The following MACROD1 variants were observed in gnomAD, a reference collection of about 807,000 sequenced individuals.
MACROD1 encodes the protein ADP-ribose glycohydrolase MACROD1.
MACROD1 carries 31 observed loss-of-function variants against 41.4 expected under a neutral mutation model. The ratio of observed to expected loss-of-function variants is 0.75; its 90% CI spans 0.56 to 1.01. The LOEUF (loss-of-function observed/expected upper bound fraction) is 1.01. Ranked by LOEUF, MACROD1 falls within the 50% of genes least tolerant of loss-of-function variation. The pLI, the probability that MACROD1 is intolerant of heterozygous loss-of-function variation, is 0.00. For missense variants in MACROD1, 473 were observed against 460.0 expected (o/e 1.03, Z -0.26); for synonymous variants, 252 against 203.4 (o/e 1.24, Z -2.03).
chr11:64,099,281 C>T (rs527924830), intron 3 of MACROD1, among the ~76,000 whole-genome samples: 1 of 152,262 alleles, frequency 6.6e-6, no homozygotes, highest in Admixed American at 6.5e-5. Context: ...GCCCTGTGTG[C>T]GTCTCACATT....
chr11:64,136,240 C>T (rs1285485827), intron 3 of MACROD1, among the ~76,000 whole-genome samples: 1 of 152,238 alleles, frequency 6.6e-6, no homozygotes, highest in Non-Finnish European at 1.5e-5. Context: ...TCACCATGTG[C>T]CCACAACTCC....
At position 64,082,223 on chromosome 11, in the gene MACROD1, C is replaced by G. The variant is rs554068780; in HGVS notation, c.518-66942G>C. Among the ~76,000 whole-genome samples, 3 of 152,242 alleles carry G rather than the reference C, an allele frequency of 2.0e-5. No individual in the cohort carries two copies. In the East Asian group the frequency reaches 5.8e-4, roughly 29 times the overall value. ...AACATCCCTTAAATATTGGTGCTCT[C>G]GGCAGCACTGGGCCCCTGCTTAGCA... On this transcript the variant is annotated intron_variant, in intron 3 of 10. Coordinates refer to ENST00000255681, the MANE Select transcript of MACROD1 (RefSeq NM_014067.4). This position sits in a 1 kb window ranked among gnomAD's most constrained non-coding sequence, Gnocchi z 4.5.
intron 3 of MACROD1, among the ~76,000 whole-genome samples, chr11:64,065,039 C>G (rs1004838797): frequency 3.3e-5 from 5 of 152,146 alleles, no homozygotes; most frequent in African/African-American, 1.2e-4. Flanking sequence ...GGGACATGAG[C>G]AGGGGTGAAG....
intron 3 of MACROD1, among the ~76,000 whole-genome samples, chr11:64,127,436 G>A (rs1420903883): frequency 6.8e-5 from 8 of 118,356 alleles, no homozygotes; most frequent in African/African-American, 2.1e-4. Context: ...CCTTGCCCCC[G>A]AGGCTCAGCC....
At chr11:64,043,294 CAG>C (rs1324453910) in intron 3 of MACROD1, among the ~76,000 whole-genome samples, 1 of 152,136 alleles carries the variant, frequency 6.6e-6, no homozygotes, top group Admixed American at 6.5e-5. Context: ...CTGAGGAGCT[CAG>C]GGGCTGGAGA....
In MACROD1 at chr11:64,125,780, A is replaced by G. The variant is rs73498199; in HGVS notation, c.517+25459T>C. 5.0e-3 allele frequency among the ~76,000 whole-genome samples: 763 copies of G among 152,246 alleles called. 6 individuals carry two copies. Among genetic ancestry groups the G allele is most frequent in the South Asian group, 0.026 (126 of 4,826 alleles). On this transcript the variant is annotated intron_variant, in intron 3 of 10. Transcript: ENST00000255681. ...CTTGAGTGGATGACAAGGGGGAGAG[A>G]ACTGGGGGAGGGCCCCACAGAGGCG...
intron 3 of MACROD1, among the ~76,000 whole-genome samples, chr11:64,026,958 C>T (rs1242408529): frequency 6.6e-6 from 1 of 152,254 alleles, no homozygotes; most frequent in Non-Finnish European, 1.5e-5. Flanking sequence ...CTGGAGCCCA[C>T]ACCCTGTGCC....
At chr11:64,116,712 C>G in intron 3 of MACROD1, 2 of 1,613,728 alleles carry the variant, frequency 1.2e-6, no homozygotes, top group South Asian at 1.1e-5. Context: ...CTCGCTGGCC[C>G]GCATCCCGCT....
rs536937921 is a variant in MACROD1, at chr11:64,133,139, G to A, written c.517+18100C>T. 4.6e-5 allele frequency among the ~76,000 whole-genome samples: 7 copies of A among 152,296 alleles called. No homozygotes were observed. The South Asian group carries it at 8.3e-4, about 18-fold the overall frequency. On this transcript the variant is annotated intron_variant, in intron 3 of 10. Transcript: ENST00000255681. ...AAGCCGTCCCTGAGCAGCCCCCAGC[G>A]CCTTGGATTCCTGCACAGATGCACG...
At chr11:64,050,684 T>C (rs1943676587) in intron 3 of MACROD1, among the ~76,000 whole-genome samples, 2 of 152,208 alleles carry the variant, frequency 1.3e-5, no homozygotes, top group Non-Finnish European at 2.9e-5. Context: ...AGTGGCGCGA[T>C]CATGGCTCAC....
At chr11:64,105,331 C>A (rs1038332389) in intron 3 of MACROD1, among the ~76,000 whole-genome samples, 4 of 152,194 alleles carry the variant, frequency 2.6e-5, no homozygotes, top group African/African-American at 9.7e-5. Flanking sequence ...CAGCTGCTGT[C>A]CCCCAGGCCT....
intron 3 of MACROD1, among the ~76,000 whole-genome samples, chr11:64,031,003 C>T (rs544093085): frequency 1.1e-4 from 16 of 151,970 alleles, no homozygotes; most frequent in East Asian, 7.8e-4. Context: ...ACTGGAGAGG[C>T]GGAAGGGTGC....
chr11:64,034,117 C>T (rs1849590261), intron 3 of MACROD1, among the ~76,000 whole-genome samples: 1 of 152,244 alleles, frequency 6.6e-6, no homozygotes, highest in African/African-American at 2.4e-5. Flanking sequence ...GTCTCTCCTT[C>T]AAGACATTTA....
chr11:64,071,030 C>A (rs1944099601), intron 3 of MACROD1, among the ~76,000 whole-genome samples: 1 of 152,264 alleles, frequency 6.6e-6, no homozygotes, highest in Middle Eastern at 3.4e-3. Flanking sequence ...CGGCCATACT[C>A]ATCTCTTTAT....
intron 3 of MACROD1, chr11:64,117,251 C>A (rs200363178): frequency 6.2e-7 from 1 of 1,614,224 alleles, no homozygotes; most frequent in Admixed American, 1.7e-5. Context: ...TCAGGAACAA[C>A]CCTTGGTTTT....
At chr11:64,132,071 C>T (rs1486326059) in intron 3 of MACROD1, among the ~76,000 whole-genome samples, 1 of 152,194 alleles carries the variant, frequency 6.6e-6, no homozygotes, top group African/African-American at 2.4e-5. Context: ...CTCTGGAGAA[C>T]TATGCAGAAA....
rs369497656 is a variant in MACROD1 at position 63,998,985 on chromosome 11, G to A, written c.943C>T (p.Arg315Trp). ...GGGAAGTAGTGGGGGAGCCGGCTCC[G>A]GTAGATGTCCTCGTCCTTCTCGAGG... ...VFLEKDEDIY[R>W]SRLPHYFPVA Residue 315 changes from arginine (R) to tryptophan (W), a missense_variant, in exon 9 of 11, where the codon CGG (arginine) becomes TGG (tryptophan). Transcript: ENST00000255681. The A allele has an allele frequency of 6.8e-6, 11 of 1,608,062 alleles. No individual in the cohort carries two copies. The East Asian group carries it at 9.0e-5, about 13-fold the overall frequency.
intron 3 of MACROD1, chr11:64,117,683 C>T: frequency 1.2e-6 from 2 of 1,613,598 alleles, no homozygotes; most frequent in Non-Finnish European, 1.7e-6. Flanking sequence ...TGCGCCTGGG[C>T]CACAGCCCAG....
At chr11:64,105,476 G>A (rs971024784) in intron 3 of MACROD1, among the ~76,000 whole-genome samples, 1 of 152,196 alleles carries the variant, frequency 6.6e-6, no homozygotes, top group Non-Finnish European at 1.5e-5. Context: ...GCCCCTCCCT[G>A]TATGCCTCCC....
Sources: allele counts gnomAD v4.1 joint callset (sites outside exome capture counted in the v4.1 genomes callset), GRCh38; gene constraint gnomAD v4.1.1; non-coding constraint Gnocchi (gnomAD v3.1); transcripts MANE v1.5; gene names NCBI Gene and HGNC (gene_info 2026-07-23, HGNC 2026-07-21).